SCLT1: variants seen among roughly 807,000 people sequenced by gnomAD.
SCLT1 encodes the protein sodium channel and clathrin linker 1, also known as sodium channel-associated protein 1.
A neutral mutation model predicts 112.8 loss-of-function variants in SCLT1; 78 were observed. That is an observed-to-expected ratio of 0.69 (90% CI 0.58 to 0.83). The LOEUF (loss-of-function observed/expected upper bound fraction) is 0.83. SCLT1 is among the 40% of genes least tolerant of loss of function. The pLI is 0.00. For missense variants in SCLT1, 747 were observed against 770.4 expected (o/e 0.97, Z 0.36); for synonymous variants, 257 against 254.7 (o/e 1.01, Z -0.09).
chr4:129,091,155 T>C (rs1752791859), intron 1 of SCLT1, among the ~76,000 whole-genome samples: 1 of 152,066 alleles, frequency 6.6e-6, no homozygotes, highest in South Asian at 2.1e-4. Context: ...CCCACCACCT[T>C]CAAATGGCAT....
intron 2 of SCLT1, among the ~76,000 whole-genome samples, chr4:129,060,984 C>T (rs546079404): frequency 7.9e-5 from 12 of 152,098 alleles, no homozygotes; most frequent in East Asian, 1.9e-4. Context: ...TGAAGGGCTG[C>T]GTTGTACTTG....
At chr4:129,070,831 T>C (rs1350270172) in intron 2 of SCLT1, among the ~76,000 whole-genome samples, 2 of 152,150 alleles carry the variant, frequency 1.3e-5, no homozygotes, top group Non-Finnish European at 2.9e-5. Flanking sequence ...GTTTAGTTTG[T>C]TCTTGTGTCT....
intron 1 of SCLT1, among the ~76,000 whole-genome samples, chr4:129,084,931 C>T (rs1233079779): frequency 1.3e-5 from 2 of 152,150 alleles, no homozygotes; most frequent in Non-Finnish European, 2.9e-5. Flanking sequence ...GGAAGACAAC[C>T]TAAGCAACAC....
rs1272260928 is a variant in SCLT1, at chr4:128,948,550, G to A, written c.1239C>T (p.Gly413=). 13 of 1,605,334 alleles carry A rather than the reference G, an allele frequency of 8.1e-6. No individual in the cohort carries two copies. The highest frequency in any genetic ancestry group is 9.4e-6 in the Non-Finnish European group (11 of 1,174,122). The change falls in exon 15 of 21, where the codon GGC becomes GGT. Residue 413 remains glycine (G), a synonymous_variant. Transcript: ENST00000281142. ...TTTCCTTAATGACTCGTTCAATTTG[G>A]CCTTGTTTTTCAGCACACTCCTATA... ...ALQMECAEKQ[G]QIERVIKEKK...
At chr4:129,068,313 G>T (rs1176919252) in intron 2 of SCLT1, among the ~76,000 whole-genome samples, 1 of 152,066 alleles carries the variant, frequency 6.6e-6, no homozygotes, top group Non-Finnish European at 1.5e-5. Flanking sequence ...TTCCACAGTG[G>T]TTGTGCTAGT....
chr4:128,992,273 A>C (rs754671040), intron 8 of SCLT1, 36 bp from the exon 9 acceptor site: 2 of 1,287,898 alleles, frequency 1.6e-6, no homozygotes, highest in Non-Finnish European at 2.2e-6. Flanking sequence ...GTATTAGAAT[A>C]TTTAATAACT....
chr4:129,029,881 C>T (rs749247157), intron 5 of SCLT1, among the ~76,000 whole-genome samples: 1 of 151,930 alleles, frequency 6.6e-6, no homozygotes, highest in Non-Finnish European at 1.5e-5. Flanking sequence ...CTTTAACATC[C>T]CACTGTCAAT....
intron 9 of SCLT1, among the ~76,000 whole-genome samples, chr4:128,978,086 A>G (rs1335835635): frequency 6.6e-6 from 1 of 152,222 alleles, no homozygotes; most frequent in East Asian, 1.9e-4. Context: ...TGATGGCATT[A>G]GCTAGTAAGA....
intron 15 of SCLT1, among the ~76,000 whole-genome samples, 161 bp downstream of exon 15, chr4:128,948,335 C>CAAAAAAAAAAAAAAAAAAA (rs11312069): frequency 2.1e-5 from 1 of 47,962 alleles, no homozygotes; most frequent in East Asian, 5.8e-4. Context: ...GACTCCATTG[C>CAAAAAAAAAAAAAAAAAAA]AAAAAAAAAA....
intron 2 of SCLT1, among the ~76,000 whole-genome samples, chr4:129,064,694 C>A (rs1028704132): frequency 3.3e-5 from 5 of 152,218 alleles, no homozygotes; most frequent in African/African-American, 9.6e-5. Flanking sequence ...TTTTAGTATT[C>A]TAAGTTCAAA....
intron 18 of SCLT1, among the ~76,000 whole-genome samples, chr4:128,926,455 C>T (rs951519343): frequency 1.3e-5 from 2 of 151,988 alleles, no homozygotes; most frequent in Non-Finnish European, 2.9e-5. Context: ...ACTTGGAATT[C>T]CATACCCAGC....
chr4:129,058,690 T>C (rs1229784093), intron 2 of SCLT1, among the ~76,000 whole-genome samples: 1 of 152,188 alleles, frequency 6.6e-6, no homozygotes, highest in Non-Finnish European at 1.5e-5. Context: ...TCTTCAGTTG[T>C]TGAATAAAAA....
chr4:129,030,779 T>A (rs1221020229), intron 5 of SCLT1, among the ~76,000 whole-genome samples: 1 of 152,090 alleles, frequency 6.6e-6, no homozygotes, highest in African/African-American at 2.4e-5. Context: ...AATCCTTGAA[T>A]AGACCAAAAA....
intron 20 of SCLT1, 89 bp from the exon 21 acceptor site, chr4:128,884,628 A>C (rs1732752917): frequency 1.2e-6 from 1 of 800,144 alleles, no homozygotes; most frequent in African/African-American, 1.7e-5. Context: ...ACAACCTATA[A>C]GTACTGAAAT....
intron 18 of SCLT1, among the ~76,000 whole-genome samples, chr4:128,898,995 A>G (rs991526731): frequency 6.6e-6 from 1 of 152,218 alleles, no homozygotes; most frequent in African/African-American, 2.4e-5. Context: ...TTCTCTGAAT[A>G]GACCAATAAC....
chr4:128,889,734 A>T (rs1479053524), intron 19 of SCLT1, among the ~76,000 whole-genome samples: 1 of 152,246 alleles, frequency 6.6e-6, no homozygotes, highest in Non-Finnish European at 1.5e-5. Flanking sequence ...TAGCCTGGTT[A>T]TAGTACATCT....
intron 18 of SCLT1, among the ~76,000 whole-genome samples, chr4:128,914,066 C>T (rs1216924077): frequency 2.6e-5 from 4 of 152,134 alleles, no homozygotes; most frequent in African/African-American, 9.7e-5. Flanking sequence ...TCATTTTGAT[C>T]TTTAAAACTA....
intron 5 of SCLT1, among the ~76,000 whole-genome samples, chr4:129,030,674 C>A (rs1746629442): frequency 6.6e-6 from 1 of 152,114 alleles, no homozygotes; most frequent in African/African-American, 2.4e-5. Context: ...TTAGAAAATA[C>A]TCTAAATATC....
At chr4:129,091,651 CATTA>C (rs1306495492) in intron 1 of SCLT1, among the ~76,000 whole-genome samples, 3 of 152,112 alleles carry the variant, frequency 2.0e-5, no homozygotes, top group South Asian at 2.1e-4. Flanking sequence ...ATTATAGTGT[CATTA>C]ATTATTTTAG....
Sources: gnomAD v4.1 joint callset for allele counts (sites outside exome capture counted in the v4.1 genomes callset) on GRCh38, gnomAD v4.1.1 for gene constraint, MANE v1.5 for transcripts, NCBI Gene and HGNC (gene_info 2026-07-23, HGNC 2026-07-21) for gene names.